The following MPRIP variants were observed in gnomAD, a reference collection of about 807,000 sequenced individuals.
MPRIP encodes the protein myosin phosphatase Rho interacting protein.
A neutral mutation model predicts 234.9 loss-of-function variants in MPRIP; 59 were observed. The observed-to-expected ratio is 0.25, with a 90% CI of 0.20 to 0.31. MPRIP has a LOEUF of 0.31. Among genes scored for constraint, MPRIP ranks in the 10% least tolerant of loss-of-function variants. The pLI is 1.00. For synonymous variants in MPRIP, 1,144 were observed against 1,263.9 expected (o/e 0.91, Z 2.01); for missense variants, 2,436 against 3,071.0 (o/e 0.79, Z 4.89).
chr17:17,095,604 G>T (rs2089820653), intron 3 of MPRIP, among the ~76,000 whole-genome samples: 2 of 152,090 alleles, frequency 1.3e-5, no homozygotes, highest in Non-Finnish European at 1.5e-5. Flanking sequence ...CCTGCTGTTA[G>T]TCCTTCACCC....
chr17:17,054,520 A>T (rs1249146899), intron 1 of MPRIP, among the ~76,000 whole-genome samples: 1 of 152,166 alleles, frequency 6.6e-6, no homozygotes. Flanking sequence ...ACTTGCACCC[A>T]CACCTGCTCA....
At chr17:17,157,564 G>T (rs1393381542) in intron 13 of MPRIP, among the ~76,000 whole-genome samples, 1 of 152,228 alleles carries the variant, frequency 6.6e-6, no homozygotes, top group African/African-American at 2.4e-5. Flanking sequence ...GCTGGGCACA[G>T]TAGCTCACGC....
At chr17:17,146,567 A>T (rs2045470919) in intron 10 of MPRIP, among the ~76,000 whole-genome samples, 1 of 152,190 alleles carries the variant, frequency 6.6e-6, no homozygotes, top group Non-Finnish European at 1.5e-5. Context: ...TGGAAGGAGC[A>T]AACATGGTAC....
rs1476145936 is a variant in MPRIP, at chr17:17,185,184, C to G, written c.*290C>G. ...GTGTTAGTCCTTTCCTGGCTGTGACCCGCCACACTCACTGTCAGTATTAAG... is the reference window on the plus strand; with the variant it reads ...GTGTTAGTCCTTTCCTGGCTGTGACGCGCCACACTCACTGTCAGTATTAAG... On this transcript the variant is annotated 3_prime_UTR_variant, in exon 24 of 24. Coordinates refer to ENST00000651222, the MANE Select transcript of MPRIP (RefSeq NM_001364716.4). 4 of 344,064 alleles carry G rather than the reference C, an allele frequency of 1.2e-5. No homozygotes were observed. The highest frequency in any genetic ancestry group is 2.3e-5 in the Non-Finnish European group (4 of 174,992). The allele number at this position is 344,064 out of a possible 1,614,324, so 21.3% of individuals were successfully genotyped here.
At chr17:17,093,262 T>A (rs1160860044) in intron 3 of MPRIP, among the ~76,000 whole-genome samples, 1 of 152,232 alleles carries the variant, frequency 6.6e-6, no homozygotes, top group Non-Finnish European at 1.5e-5. Flanking sequence ...GCATAGTCCC[T>A]GCATGAACTC....
rs530121759 is a variant in MPRIP at position 17,114,462 on chromosome 17, C to T, written c.268-12240C>T. Among the ~76,000 whole-genome samples the T allele has an allele frequency of 5.9e-5, 9 of 151,948 alleles. No individual in the cohort carries two copies. The East Asian group carries it at 7.7e-4, about 13-fold the overall frequency. ...TTTCTTTTGTTGCTTGTGCTTTTGG[C>T]GTCATATCCAAGAAATGGTTGCTAA... is the stretch of plus-strand genomic sequence containing the variant. On this transcript the variant is annotated intron_variant, in intron 3 of 23. Coordinates refer to ENST00000651222, the MANE Select transcript of MPRIP (RefSeq NM_001364716.4).
chr17:17,050,532 C>T (rs76235061), intron 1 of MPRIP, among the ~76,000 whole-genome samples: 4,949 of 152,252 alleles, frequency 0.033, 125 homozygotes, highest in Middle Eastern at 0.054. Context: ...TGGGGTGCCA[C>T]AGGTGGTGGT....
rs1481155898 is a variant in MPRIP, at chr17:17,048,890, C to T, written c.123+5919C>T. Among the ~76,000 whole-genome samples the T allele has an allele frequency of 3.9e-5, 6 of 152,310 alleles. No individual in the cohort carries two copies. In the East Asian group the frequency reaches 1.2e-3, roughly 29 times the overall value. ...AAACAGATACTTGTATACAAATGTT[C>T]ATAACAGCACTACTCACAATAGCCA... is the stretch of plus-strand genomic sequence containing the variant. On this transcript the variant is annotated intron_variant, in intron 1 of 23. Coordinates refer to ENST00000651222, the MANE Select transcript of MPRIP (RefSeq NM_001364716.4).
chr17:17,184,674 C>T, intron 23 of MPRIP, 149 bp from the exon 24 acceptor site: 1 of 543,318 alleles, frequency 1.8e-6, no homozygotes, highest in Non-Finnish European at 3.5e-6. Flanking sequence ...TTCCCGGGGA[C>T]TCTCCTCCTG....
intron 22 of MPRIP, among the ~76,000 whole-genome samples, chr17:17,177,858 G>T (rs533288999): frequency 1.3e-5 from 2 of 151,300 alleles, no homozygotes; most frequent in Admixed American, 6.6e-5. Flanking sequence ...TAGGTACCCT[G>T]TAAAAAATAG....
intron 16 of MPRIP, chr17:17,168,838 G>A (rs1055700835): frequency 3.7e-5 from 17 of 456,830 alleles, no homozygotes; most frequent in African/African-American, 2.0e-4. Context: ...AGAGCCAGGC[G>A]CGCACACAGC....
In MPRIP at chr17:17,066,138, C is replaced by T. The variant is rs1314887587; in HGVS notation, c.124-9572C>T. On this transcript the variant is annotated intron_variant, in intron 1 of 23. Coordinates refer to ENST00000651222, the MANE Select transcript of MPRIP (RefSeq NM_001364716.4). Reference sequence around the variant, plus strand: ...ATATGCCTTTTATTTCCTTTTCCTGCCTTACTGCACTAGCTAGAAATTCGC... The same window carrying T: ...ATATGCCTTTTATTTCCTTTTCCTGTCTTACTGCACTAGCTAGAAATTCGC... Among the ~76,000 whole-genome samples, 3 of 152,140 alleles carry T rather than the reference C, an allele frequency of 2.0e-5. No homozygotes were observed. In the East Asian group the frequency reaches 5.8e-4, roughly 29 times the overall value.
intron 13 of MPRIP, among the ~76,000 whole-genome samples, chr17:17,157,911 C>T (rs982736254): frequency 6.6e-6 from 1 of 152,178 alleles, no homozygotes; most frequent in Non-Finnish European, 1.5e-5. Context: ...GCTAGTTTTC[C>T]CTCATTCTGT....
Position 17,154,401 on chromosome 17 carries a change from C to A in MPRIP, c.1815C>A (p.Ala605=), listed in dbSNP as rs747499271. 1.2e-6 allele frequency: 2 copies of A among 1,614,116 alleles called. No individual in the cohort carries two copies. The highest frequency in any genetic ancestry group is 8.5e-7 in the Non-Finnish European group (1 of 1,179,986). Residue 605 remains alanine, a synonymous_variant, in exon 13 of 24, where the codon GCC becomes GCA. Coordinates refer to ENST00000651222, the MANE Select transcript of MPRIP (RefSeq NM_001364716.4). ...TGAAGCACGTGCACCCGACCACTGC[C>A]CCGGATGTGACCAGGTAGGATGGTG... is the stretch of plus-strand genomic sequence containing the variant. ...TIMKHVHPTT[A]PDVTSSLPEE...
intron 3 of MPRIP, among the ~76,000 whole-genome samples, chr17:17,118,793 A>G (rs1194666275): frequency 6.6e-6 from 1 of 152,020 alleles, no homozygotes; most frequent in East Asian, 1.9e-4. Flanking sequence ...GGCTCTTTCC[A>G]GTTTCCTCAG....
At chr17:17,155,634 C>G (rs557861189) in intron 13 of MPRIP, among the ~76,000 whole-genome samples, 1 of 152,256 alleles carries the variant, frequency 6.6e-6, no homozygotes, top group African/African-American at 2.4e-5. Context: ...AAATTGATTT[C>G]TTTATAGTCC....
intron 3 of MPRIP, among the ~76,000 whole-genome samples, chr17:17,099,558 C>T (rs1290777708): frequency 6.6e-6 from 1 of 152,130 alleles, no homozygotes; most frequent in Non-Finnish European, 1.5e-5. Context: ...AGACCGCTGT[C>T]TCTACAAAAA....
chr17:17,082,665 T>G (rs150701456), intron 3 of MPRIP, among the ~76,000 whole-genome samples: 12 of 152,278 alleles, frequency 7.9e-5, no homozygotes, highest in African/African-American at 2.9e-4. Flanking sequence ...AGTGTGCAGT[T>G]CAGTGGCATT....
chr17:17,092,797 G>A (rs2089750064), intron 3 of MPRIP, among the ~76,000 whole-genome samples: 1 of 152,204 alleles, frequency 6.6e-6, no homozygotes, highest in African/African-American at 2.4e-5. Context: ...TGTAGGTAAT[G>A]TCAAAGGACA....
Sources: allele counts gnomAD v4.1 joint callset (sites outside exome capture counted in the v4.1 genomes callset), GRCh38; gene constraint gnomAD v4.1.1; transcripts MANE v1.5; gene names NCBI Gene and HGNC (gene_info 2026-07-23, HGNC 2026-07-21).